DLG2: variants seen among roughly 807,000 people sequenced by gnomAD.
DLG2 encodes the protein disks large homolog 2.
A neutral mutation model predicts 132.5 loss-of-function variants in DLG2; 45 were observed. The ratio of observed to expected loss-of-function variants is 0.34; its 90% CI spans 0.27 to 0.44. The LOEUF (loss-of-function observed/expected upper bound fraction) is 0.44, where lower values mean the gene tolerates loss of function less well. DLG2 is among the 20% of genes least tolerant of loss of function. DLG2 has a pLI of 1.00. For missense variants in DLG2, 1,045 were observed against 1,196.9 expected, an observed-to-expected ratio of 0.87 and a Z score of 1.87; for synonymous variants, 424 against 419.6, an observed-to-expected ratio of 1.01 and a Z score of -0.13.
rs59771792 is a variant in DLG2, at chr11:85,275,326, A to G, written c.186+9894T>C. ...ATGAATTTATTTTTCATCATGTGGA[A>G]GATGACCAGAACAGATTTCAAAATA... On this transcript the variant is annotated intron_variant, in intron 4 of 27. Transcript: ENST00000376104. Among the ~76,000 whole-genome samples the G allele has an allele frequency of 1.1e-3, 162 of 152,306 alleles. 1 individual carries two copies. The highest frequency in any genetic ancestry group is 3.8e-3 in the African/African-American group (156 of 41,584).
chr11:85,556,194 A>G (rs1480527290), intron 3 of DLG2, among the ~76,000 whole-genome samples: 1 of 151,782 alleles, frequency 6.6e-6, no homozygotes, highest in Admixed American at 6.6e-5. Context: ...AAGTCTACTC[A>G]TTGCGTGTTT....
At chr11:85,568,517 G>T (rs569358928) in intron 3 of DLG2, among the ~76,000 whole-genome samples, 2 of 152,088 alleles carry the variant, frequency 1.3e-5, no homozygotes, top group South Asian at 4.2e-4. Flanking sequence ...TAAACATTTG[G>T]TAGAATTCAC....
At chr11:84,121,048 C>A (rs2093886814) in intron 9 of DLG2, among the ~76,000 whole-genome samples, 1 of 152,146 alleles carries the variant, frequency 6.6e-6, no homozygotes, top group African/African-American at 2.4e-5. Context: ...CATTTATTCA[C>A]TCATTTATGT....
At chr11:85,233,613 G>A in intron 4 of DLG2, among the ~76,000 whole-genome samples, 1 of 151,630 alleles carries the variant, frequency 6.6e-6, no homozygotes, top group East Asian at 1.9e-4. Context: ...AGGGGACAGT[G>A]TTGGCAAGAT....
intron 6 of DLG2, among the ~76,000 whole-genome samples, chr11:84,788,177 A>G (rs1023486620): frequency 3.3e-5 from 5 of 151,848 alleles, no homozygotes; most frequent in African/African-American, 1.2e-4. Context: ...GATAAAGGAC[A>G]AAGTAGCCAG....
chr11:84,236,921 A>G (rs1339294478), intron 8 of DLG2, among the ~76,000 whole-genome samples: 3 of 146,198 alleles, frequency 2.1e-5, no homozygotes, highest in Admixed American at 1.4e-4. Context: ...AAGCATCAGT[A>G]TGTTTTTTTT....
At chr11:84,613,220 G>T (rs1420331107) in intron 6 of DLG2, among the ~76,000 whole-genome samples, 5 of 152,004 alleles carry the variant, frequency 3.3e-5, no homozygotes, top group African/African-American at 1.2e-4. Flanking sequence ...AATCAGGAAG[G>T]AAATATCGGT....
chr11:84,870,478 T>C (rs7125471), intron 6 of DLG2, among the ~76,000 whole-genome samples: 8,346 of 152,272 alleles, frequency 0.055, 263 homozygotes, highest in Middle Eastern at 0.12. Context: ...CCCCGATTAA[T>C]AGGATTATGA....
intron 18 of DLG2, among the ~76,000 whole-genome samples, chr11:83,635,141 C>T (rs141944016): frequency 3.1e-4 from 47 of 152,066 alleles, no homozygotes; most frequent in African/African-American, 1.0e-3. Context: ...TTTGGGAGAC[C>T]GAGGCAGGAA....
Position 84,413,906 on chromosome 11 carries a change from G to A in DLG2, c.519+120664C>T, listed in dbSNP as rs192184111. 1.8e-3 allele frequency among the ~76,000 whole-genome samples: 275 copies of A among 152,192 alleles called. 1 individual carries two copies. The highest frequency in any genetic ancestry group is 6.5e-3 in the African/African-American group (268 of 41,526). ...AGGAAACTAGCTGAGAGCTGGCTGGGAACCTTCAATTTCATTCAAGGGTAT... is the reference window on the plus strand; with the variant it reads ...AGGAAACTAGCTGAGAGCTGGCTGGAAACCTTCAATTTCATTCAAGGGTAT... On this transcript the variant is annotated intron_variant, in intron 7 of 27. Transcript: ENST00000376104.
At chr11:85,021,086 G>C (rs2060023079) in intron 6 of DLG2, 1 of 775,020 alleles carries the variant, frequency 1.3e-6, no homozygotes, top group East Asian at 2.4e-5. Flanking sequence ...GTTTTATCTT[G>C]GTCAACTCCT....
At chr11:83,708,607 C>T (rs141772991) in intron 18 of DLG2, among the ~76,000 whole-genome samples, 5 of 152,150 alleles carry the variant, frequency 3.3e-5, no homozygotes, top group East Asian at 1.9e-4. Flanking sequence ...GTTTTATGGT[C>T]AAAAATTGCA....
intron 6 of DLG2, among the ~76,000 whole-genome samples, chr11:84,986,543 G>A (rs1205037643): frequency 2.6e-5 from 4 of 152,052 alleles, no homozygotes; most frequent in Admixed American, 2.6e-4. Context: ...CTAGCTAATC[G>A]AATCCAACAA....
At chr11:84,547,562 T>C (rs2099392736) in intron 6 of DLG2, among the ~76,000 whole-genome samples, 1 of 152,230 alleles carries the variant, frequency 6.6e-6, no homozygotes, top group Admixed American at 6.5e-5. Context: ...ATGTCTTCTC[T>C]ACCTCTCATA....
chr11:84,316,263 A>G (rs1046808773), intron 7 of DLG2, among the ~76,000 whole-genome samples: 6 of 152,176 alleles, frequency 3.9e-5, no homozygotes, highest in Non-Finnish European at 5.9e-5. Context: ...GAGTTTAACC[A>G]TCCTCTGTTT....
At chr11:84,624,712 T>C (rs979755372) in intron 6 of DLG2, among the ~76,000 whole-genome samples, 5 of 151,492 alleles carry the variant, frequency 3.3e-5, no homozygotes, top group Admixed American at 6.6e-5. Flanking sequence ...GTCCTCAGCA[T>C]TTTCAGTGAA....
chr11:84,313,522 G>A (rs2098314630), intron 7 of DLG2, among the ~76,000 whole-genome samples: 1 of 127,380 alleles, frequency 7.9e-6, no homozygotes, highest in African/African-American at 2.9e-5. Flanking sequence ...GAGACAGAGA[G>A]AGAGAGGAAG....
chr11:85,450,846 G>T (rs547919264), intron 3 of DLG2, among the ~76,000 whole-genome samples: 175 of 151,782 alleles, frequency 1.2e-3, no homozygotes, highest in African/African-American at 4.1e-3. Context: ...TATTCTTTTT[G>T]TTTCCTCCTA....
chr11:85,330,792 T>TAAAAAAAA (rs56995757), intron 3 of DLG2, among the ~76,000 whole-genome samples: 28 of 116,396 alleles, frequency 2.4e-4, no homozygotes, highest in Non-Finnish European at 3.0e-4. Context: ...AAAAAAAAAT[T>TAAAAAAAA]AAAAAAAAAA....
Sources: gnomAD v4.1 joint callset for allele counts (sites outside exome capture counted in the v4.1 genomes callset) on GRCh38, gnomAD v4.1.1 for gene constraint, MANE v1.5 for transcripts, NCBI Gene and HGNC (gene_info 2026-07-23, HGNC 2026-07-21) for gene names.